The following HBM variants were observed in gnomAD, a reference collection of about 807,000 sequenced individuals.
HBM encodes alpha globin pseudogene 2.
Under a neutral mutation model 12.8 loss-of-function variants are expected in HBM, and 9 were observed. The observed-to-expected ratio is 0.70, with a 90% CI of 0.42 to 1.23. The LOEUF (loss-of-function observed/expected upper bound fraction) is 1.23. Ranked by LOEUF, HBM falls within the 50% of genes most tolerant of loss-of-function variation. HBM has a pLI of 0.00. For synonymous variants in HBM, 100 were observed against 92.0 expected, an observed-to-expected ratio of 1.09 and a Z score of -0.50; for missense variants, 214 against 195.4, an observed-to-expected ratio of 1.10 and a Z score of -0.57.
Position 166,693 on chromosome 16 carries a change from C to G in HBM, c.411C>G (p.Thr137=), listed in dbSNP as rs761353877. Residue 137 remains threonine (T), a synonymous_variant, in exon 3 of 3, where the codon ACC becomes ACG. Coordinates refer to ENST00000356815, the MANE Select transcript of HBM (RefSeq NM_001003938.4). The stretch of plus-strand genomic sequence containing the variant: ...TGACTGGTGTGGCCGTGGTGCTGAC[C>G]GAAAAATACCGCTGAGCCCTGTGCT... The part of the protein sequence containing the change: ...KFLTGVAVVL[T]EKYR 3.7e-6 allele frequency: 6 copies of G among 1,614,056 alleles called. No individual in the cohort carries two copies. The highest frequency in any genetic ancestry group is 4.2e-6 in the Non-Finnish European group (5 of 1,179,988).
chr16:166,349 C>G lies in HBM; in HGVS notation c.174C>G (p.His58Gln). The stretch of plus-strand genomic sequence containing the variant: ...AGGACGCGACGCAGCTGCTGAGCCA[C>G]GGGCAGCGCATGCTGGCGGCTGTGG... Reference protein sequence around the residue: ...ACQDATQLLSHGQRMLAAVGA... With the variant: ...ACQDATQLLSQGQRMLAAVGA... The change falls in exon 2 of 3, where the codon CAC becomes CAG. Residue 58 changes from histidine to glutamine, a missense_variant. Transcript: ENST00000356815. 1.3e-6 allele frequency: 2 copies of G among 1,593,062 alleles called. No individual in the cohort carries two copies. Among genetic ancestry groups the G allele is most frequent in the Middle Eastern group, 1.7e-4 (1 of 6,026 alleles).
chr16:166,141 T>C, intron 1 of HBM, 52 bp downstream of exon 1: 1 of 1,498,114 alleles, frequency 6.7e-7, no homozygotes, highest in Non-Finnish European at 9.1e-7. Context: ...ATGAGGGTTT[T>C]GGGCGCGTGG....
Position 166,725 on chromosome 16 carries a change from G to C in HBM, c.*17G>C. On this transcript the variant is annotated 3_prime_UTR_variant, in exon 3 of 3. Coordinates refer to ENST00000356815, the MANE Select transcript of HBM (RefSeq NM_001003938.4). ...TACCGCTGAGCCCTGTGCTGCGCAG[G>C]CCTTGGTCTGTGCCTGTCAATAAAC... The C allele has an allele frequency of 6.2e-7, 1 of 1,613,312 alleles. No individual in the cohort carries two copies. The highest frequency in any genetic ancestry group is 2.2e-5 in the East Asian group (1 of 44,810).
rs373952261 is a variant in HBM at position 166,721 on chromosome 16, G to T, written c.*13G>T. The T allele has an allele frequency of 8.7e-6, 14 of 1,613,448 alleles. No individual in the cohort carries two copies. In the Admixed American group the frequency reaches 2.2e-4, roughly 25 times the overall value. On this transcript the variant is annotated 3_prime_UTR_variant, in exon 3 of 3. Coordinates refer to ENST00000356815, the MANE Select transcript of HBM (RefSeq NM_001003938.4). ...AAAATACCGCTGAGCCCTGTGCTGCGCAGGCCTTGGTCTGTGCCTGTCAAT... is the reference window on the plus strand; with the variant it reads ...AAAATACCGCTGAGCCCTGTGCTGCTCAGGCCTTGGTCTGTGCCTGTCAAT...
rs982314539 is a variant in HBM at position 166,403 on chromosome 16, G to A, written c.228G>A (p.Leu76=). The A allele has an allele frequency of 9.0e-6, 14 of 1,563,304 alleles. No individual in the cohort carries two copies. The highest frequency in any genetic ancestry group is 1.2e-5 in the Non-Finnish European group (14 of 1,162,396). ...VGAAVQHVDN[L]RAALSPLADL... Reference sequence around the variant, plus strand: ...CGGCGGTGCAGCACGTGGACAACCTGCGCGCCGCGCTGAGCCCGCTGGCGG... The same window carrying A: ...CGGCGGTGCAGCACGTGGACAACCTACGCGCCGCGCTGAGCCCGCTGGCGG... The change falls in exon 2 of 3, where the codon CTG becomes CTA. Residue 76 remains leucine (L), a synonymous_variant. Transcript: ENST00000356815.
chr16:166,107 C>A lies in HBM; in HGVS notation c.92+18C>A. The A allele has an allele frequency of 6.3e-7, 1 of 1,578,064 alleles. No homozygotes were observed. Among genetic ancestry groups the A allele is most frequent in the Non-Finnish European group, 8.6e-7 (1 of 1,158,692 alleles). On this transcript the variant is annotated intron_variant, in intron 1 of 2. Coordinates refer to ENST00000356815, the MANE Select transcript of HBM (RefSeq NM_001003938.4). ...CTGCTCAGGTCGGTAGAGGCGGGGT[C>A]TCCGGGAGCTCAGGGAGGTGGAGAT...
In HBM at chr16:166,312, T is replaced by C; in HGVS notation, c.137T>C (p.Leu46Pro). 1 of 1,595,502 alleles carries C rather than the reference T, an allele frequency of 6.3e-7. No individual in the cohort carries two copies. The highest frequency in any genetic ancestry group is 8.5e-7 in the Non-Finnish European group (1 of 1,178,714). Residue 46 changes from leucine to proline, a missense_variant, in exon 2 of 3, where the codon CTG becomes CCG. Leu to Pro is a moderately conservative substitution (Grantham distance 98). Transcript: ENST00000356815. ...AGCACCAAGGTCTACTTCCCGCACC[T>C]GAGCGCCTGCCAGGACGCGACGCAG... The part of the protein sequence containing the change: ...YPSTKVYFPH[L>P]SACQDATQLL...
chr16:166,585 A>G lies in HBM; in HGVS notation c.303A>G (p.Leu101=), dbSNP rs1222472325. The G allele has an allele frequency of 6.2e-7, 1 of 1,613,478 alleles. No individual in the cohort carries two copies. The highest frequency in any genetic ancestry group is 1.1e-5 in the South Asian group (1 of 90,880). Reference sequence around the variant, plus strand: ...ACCGGCCCCTTCTCCTGCAGCTGCTAATCCAGTGTTTCCACGTCGTGCTGG... The same window carrying G: ...ACCGGCCCCTTCTCCTGCAGCTGCTGATCCAGTGTTTCCACGTCGTGCTGG... ...LRVDPANFPL[L]IQCFHVVLAS... Residue 101 remains leucine (L), a synonymous_variant, in exon 3 of 3, where the codon CTA becomes CTG. Coordinates refer to ENST00000356815, the MANE Select transcript of HBM (RefSeq NM_001003938.4).
In HBM at chr16:166,759, G is replaced by C. The variant is rs1012354323; in HGVS notation, c.*51G>C. On this transcript the variant is annotated 3_prime_UTR_variant, in exon 3 of 3. Transcript: ENST00000356815. ...TGTGCCTGTCAATAAACAGAGGCCCGAACCATCTGCCCCTGCCTGTGTGGT... is the reference window on the plus strand; with the variant it reads ...TGTGCCTGTCAATAAACAGAGGCCCCAACCATCTGCCCCTGCCTGTGTGGT... 6.2e-7 allele frequency: 1 copy of C among 1,600,314 alleles called. No homozygotes were observed. The highest frequency in any genetic ancestry group is 8.5e-7 in the Non-Finnish European group (1 of 1,172,184).
chr16:166,477 G>A lies in HBM; in HGVS notation c.297+5G>A, dbSNP rs1412765701. The A allele has an allele frequency of 6.4e-7, 1 of 1,552,514 alleles. No homozygotes were observed. Among genetic ancestry groups the A allele is most frequent in the Admixed American group, 1.9e-5 (1 of 51,790 alleles). On this transcript the variant is annotated splice_donor_5th_base_variant and intron_variant, in intron 2 of 2. Transcript: ENST00000356815. Reference sequence around the variant, plus strand: ...GTGGACCCAGCCAACTTTCCGGTGAGGCCTTTCCGGCCGGGGCAATGGTGC... The same window carrying A: ...GTGGACCCAGCCAACTTTCCGGTGAAGCCTTTCCGGCCGGGGCAATGGTGC...
chr16:166,057 C>A lies in HBM; in HGVS notation c.60C>A (p.His20Gln), dbSNP rs1190649330. 1.2e-6 allele frequency: 2 copies of A among 1,603,304 alleles called. No individual in the cohort carries two copies. The highest frequency in any genetic ancestry group is 2.2e-5 in the East Asian group (1 of 44,542). Residue 20 changes from histidine to glutamine, a missense_variant, in exon 1 of 3, where the codon CAC becomes CAA. His to Gln is a conservative substitution (Grantham distance 24). Coordinates refer to ENST00000356815, the MANE Select transcript of HBM (RefSeq NM_001003938.4). ...IAQVWDLIAG[H>Q]EAQFGAELLL... The stretch of plus-strand genomic sequence containing the variant: ...AGGTCTGGGACCTGATTGCGGGCCA[C>A]GAGGCGCAATTCGGGGCGGAGCTGC...
At position 166,397 on chromosome 16, in the gene HBM, C is replaced by T. The variant is rs1183038552; in HGVS notation, c.222C>T (p.Asp74=). Residue 74 remains aspartate, a synonymous_variant, in exon 2 of 3, where the codon GAC becomes GAT. Coordinates refer to ENST00000356815, the MANE Select transcript of HBM (RefSeq NM_001003938.4). ...AAVGAAVQHV[D]NLRAALSPLA... is the part of the protein sequence containing the mutation. The stretch of plus-strand genomic sequence containing the variant: ...TGGGCGCGGCGGTGCAGCACGTGGA[C>T]AACCTGCGCGCCGCGCTGAGCCCGC... 6.4e-7 allele frequency: 1 copy of T among 1,566,862 alleles called. No homozygotes were observed. The highest frequency in any genetic ancestry group is 1.1e-5 in the South Asian group (1 of 87,606).
intron 1 of HBM, 56 bp downstream of exon 1, chr16:166,145 C>G: frequency 6.7e-7 from 1 of 1,487,176 alleles, no homozygotes; most frequent in Middle Eastern, 1.7e-4. Flanking sequence ...GGGTTTTGGG[C>G]GCGTGGGCCG....
Position 166,367 on chromosome 16 carries a change from G to A in HBM, c.192G>A (p.Ala64=). ...TGAGCCACGGGCAGCGCATGCTGGC[G>A]GCTGTGGGCGCGGCGGTGCAGCACG... The part of the protein sequence containing the change: ...QLLSHGQRML[A]AVGAAVQHVD... Residue 64 remains alanine, a synonymous_variant, in exon 2 of 3, where the codon GCG becomes GCA. Transcript: ENST00000356815. 1.3e-6 allele frequency: 2 copies of A among 1,585,662 alleles called. No individual in the cohort carries two copies. Among genetic ancestry groups the A allele is most frequent in the Non-Finnish European group, 1.7e-6 (2 of 1,174,234 alleles).
intron 1 of HBM, 76 bp from the exon 2 acceptor site, chr16:166,192 G>GA: frequency 1.5e-6 from 2 of 1,335,624 alleles, no homozygotes; most frequent in Admixed American, 2.7e-5. Flanking sequence ...GCGGATCCCC[G>GA]GGCTCTGGGC....
chr16:165,987 C>G lies in HBM; in HGVS notation c.-11C>G, dbSNP rs773773205. ...GGCGGGCGCGGCCCCCAGAGCACGT[C>G]AGGCGGCGCCATGCTCAGCGCCCAG... is the stretch of plus-strand genomic sequence containing the variant. On this transcript the variant is annotated 5_prime_UTR_variant, in exon 1 of 3. Transcript: ENST00000356815. The G allele has an allele frequency of 5.1e-6, 8 of 1,568,890 alleles. No individual in the cohort carries two copies. In the East Asian group the frequency reaches 1.4e-4, roughly 27 times the overall value.
Position 166,279 on chromosome 16 carries a change from T to C in HBM, c.104T>C (p.Val35Ala). 1 of 1,594,438 alleles carries C rather than the reference T, an allele frequency of 6.3e-7. No homozygotes were observed. Among genetic ancestry groups the C allele is most frequent in the South Asian group, 1.1e-5 (1 of 90,360 alleles). The change falls in exon 2 of 3, where the codon GTG (valine) becomes GCG (alanine). Residue 35 changes from valine (V) to alanine (A), a missense_variant. Transcript: ENST00000356815. ...ACCTGGTCCTGCAGGCTCTTCACGGTGTACCCCAGCACCAAGGTCTACTTC... is the reference window on the plus strand; with the variant it reads ...ACCTGGTCCTGCAGGCTCTTCACGGCGTACCCCAGCACCAAGGTCTACTTC... ...GAELLLRLFT[V>A]YPSTKVYFPH... is the part of the protein sequence containing the mutation.
At position 165,995 on chromosome 16, in the gene HBM, G is replaced by T. The variant is rs1287655121; in HGVS notation, c.-3G>T. The stretch of plus-strand genomic sequence containing the variant: ...CGGCCCCCAGAGCACGTCAGGCGGC[G>T]CCATGCTCAGCGCCCAGGAGCGCGC... On this transcript the variant is annotated 5_prime_UTR_variant, in exon 1 of 3. Transcript: ENST00000356815. 1 of 1,576,960 alleles carries T rather than the reference G, an allele frequency of 6.3e-7. No individual in the cohort carries two copies. The highest frequency in any genetic ancestry group is 1.8e-5 in the Admixed American group (1 of 55,624).
Position 166,489 on chromosome 16 carries a change from C to T in HBM, c.297+17C>T, listed in dbSNP as rs762100374. 10 of 1,325,560 alleles carry T rather than the reference C, an allele frequency of 7.5e-6. No homozygotes were observed. The highest frequency in any genetic ancestry group is 4.2e-4 in the Middle Eastern group (2 of 4,764). The allele number at this position is 1,325,560 out of a possible 1,614,324, so 82.1% of individuals were successfully genotyped here. A position where few individuals can be genotyped will look rare whatever the true frequency, so the allele number is the denominator to read the frequency against. ...AACTTTCCGGTGAGGCCTTTCCGGC[C>T]GGGGCAATGGTGCAGCGCGCAGCCG... On this transcript the variant is annotated intron_variant, in intron 2 of 2. Coordinates refer to ENST00000356815, the MANE Select transcript of HBM (RefSeq NM_001003938.4).
Sources: allele counts gnomAD v4.1 joint callset, GRCh38; gene constraint gnomAD v4.1.1; transcripts MANE v1.5; gene names NCBI Gene and HGNC (gene_info 2026-07-23, HGNC 2026-07-21).